Variants in MAD1L1 observed in about 807,000 individuals in gnomAD.
MAD1L1 encodes the protein mitotic spindle assembly checkpoint protein MAD1.
Under a neutral mutation model 96.9 loss-of-function variants are expected in MAD1L1, and 95 were observed. The ratio of observed to expected loss-of-function variants is 0.98; its 90% confidence interval spans 0.83 to 1.16. The LOEUF is 1.16. Ranked by LOEUF, MAD1L1 falls within the 50% of genes most tolerant of loss-of-function variation. The pLI is 0.00. For missense variants in MAD1L1, 1,007 were observed against 954.4 expected, an observed-to-expected ratio of 1.06 and a Z score of -0.73; for synonymous variants, 473 against 396.6, an observed-to-expected ratio of 1.19 and a Z score of -2.29.
intron 14 of MAD1L1, among the ~76,000 whole-genome samples, chr7:1,989,853 T>C (rs1360619301): frequency 2.0e-5 from 3 of 152,228 alleles, no homozygotes; most frequent in African/African-American, 7.2e-5. Context: ...AGGCCTGGCC[T>C]ACCAGATCCA....
intron 13 of MAD1L1, among the ~76,000 whole-genome samples, chr7:2,007,997 C>G (rs1202394161): frequency 6.6e-6 from 1 of 152,226 alleles, no homozygotes; most frequent in African/African-American, 2.4e-5. Context: ...ACGTGAAGTT[C>G]CAAGAAAGCC....
rs996655377 is a variant in MAD1L1, at chr7:2,006,374, C to T, written c.1360-4253G>A. ...GTGGCCTGGGGTGTCAGCCACAATG[C>T]GTGCCTGTCCTGGGCCTCCCCAGGT... On this transcript the variant is annotated intron_variant, in intron 13 of 18. Coordinates refer to ENST00000265854, the MANE Select transcript of MAD1L1 (RefSeq NM_001013836.2). Among the ~76,000 whole-genome samples the T allele has an allele frequency of 5.3e-5, 8 of 152,156 alleles. No homozygotes were observed. The South Asian group carries it at 6.2e-4, about 12-fold the overall frequency.
chr7:1,906,373 T>C (rs1220008376), intron 17 of MAD1L1, among the ~76,000 whole-genome samples: 1 of 152,222 alleles, frequency 6.6e-6, no homozygotes, highest in East Asian at 1.9e-4. Flanking sequence ...TCTCCTGGGA[T>C]ATTCATGCCC....
At position 1,820,658 on chromosome 7, in the gene MAD1L1, A is replaced by C. The variant is rs534857264; in HGVS notation, c.1999-4430T>G. Among the ~76,000 whole-genome samples the C allele has an allele frequency of 4.6e-5, 7 of 152,170 alleles. No individual in the cohort carries two copies. The South Asian group carries it at 1.5e-3, about 32-fold the overall frequency. ...CCTGTAGCCCCAGGTATGTGGGATC[A>C]CGTGGGCCTAGGAGTTTGAGGCTGT... On this transcript the variant is annotated intron_variant, in intron 18 of 18. Transcript: ENST00000265854.
At chr7:1,907,102 G>A (rs890490038) in intron 17 of MAD1L1, among the ~76,000 whole-genome samples, 3 of 152,094 alleles carry the variant, frequency 2.0e-5, no homozygotes, top group Non-Finnish European at 4.4e-5. Context: ...GCTTCAGCCT[G>A]CGAGGGGCGG....
chr7:1,938,389 G>A (rs1778722938), intron 16 of MAD1L1, among the ~76,000 whole-genome samples: 1 of 152,146 alleles, frequency 6.6e-6, no homozygotes, highest in Admixed American at 6.5e-5. Flanking sequence ...CTCAAACAGG[G>A]TTCAGGAAGT....
chr7:1,916,851 GACCCTGGCGCATC>G (rs1562522049), intron 17 of MAD1L1, among the ~76,000 whole-genome samples: 13 of 152,166 alleles, frequency 8.5e-5, no homozygotes, highest in African/African-American at 3.1e-4. Flanking sequence ...TACCAGGCAC[GACCCTGGCGCATC>G]TCCCGAGCCA....
intron 18 of MAD1L1, among the ~76,000 whole-genome samples, chr7:1,868,440 G>C (rs1039067497): frequency 1.3e-5 from 2 of 152,080 alleles, no homozygotes; most frequent in Non-Finnish European, 1.5e-5. Flanking sequence ...TGCTGGAGTG[G>C]GGCCCTCCAT....
At chr7:2,096,811 G>A (rs1418180488) in intron 11 of MAD1L1, among the ~76,000 whole-genome samples, 5 of 152,100 alleles carry the variant, frequency 3.3e-5, no homozygotes, top group Non-Finnish European at 1.5e-5. Context: ...GCCCAGCAGA[G>A]GCTGGGGGCA....
intron 9 of MAD1L1, among the ~76,000 whole-genome samples, chr7:2,214,506 G>A (rs1289136026): frequency 2.0e-5 from 3 of 152,166 alleles, no homozygotes; most frequent in Non-Finnish European, 4.4e-5. Flanking sequence ...GAAGTGGCCA[G>A]CTGGACAGCT....
chr7:2,152,201 T>A lies in MAD1L1; in HGVS notation c.987-2963A>T, dbSNP rs143569226. Among the ~76,000 whole-genome samples the A allele has an allele frequency of 9.4e-3, 1,437 of 152,290 alleles. 22 individuals are homozygous for A. Among genetic ancestry groups the A allele is most frequent in the African/African-American group, 0.033 (1,361 of 41,554 alleles). On this transcript the variant is annotated intron_variant, in intron 10 of 18. Transcript: ENST00000265854. ...TCACGTGATGGGCTCTCAGCCTGGA[T>A]ACTTGCTGGCCACATCCCTAGGCCC...
chr7:2,137,108 G>A lies in MAD1L1; in HGVS notation c.1073+12044C>T, dbSNP rs567586233. Among the ~76,000 whole-genome samples the A allele has an allele frequency of 2.0e-5, 3 of 152,276 alleles. No homozygotes were observed. In the South Asian group the frequency reaches 6.2e-4, roughly 32 times the overall value. On this transcript the variant is annotated intron_variant, in intron 11 of 18. Coordinates refer to ENST00000265854, the MANE Select transcript of MAD1L1 (RefSeq NM_001013836.2). ...GTGGGGTGTGGGCTGCTCTCCTGGG[G>A]TTAGGCTCACACAAACCCCTTCAAA...
At chr7:1,898,823 C>T (rs995503688) in intron 17 of MAD1L1, among the ~76,000 whole-genome samples, 6 of 152,182 alleles carry the variant, frequency 3.9e-5, no homozygotes, top group Non-Finnish European at 5.9e-5. Flanking sequence ...GCGAGAACCG[C>T]GTGAGGAGCC....
At chr7:1,992,245 C>T (rs924220656) in intron 14 of MAD1L1, among the ~76,000 whole-genome samples, 1 of 152,258 alleles carries the variant, frequency 6.6e-6, no homozygotes. Flanking sequence ...CGCTGGATAC[C>T]CAGCCCCATT....
intron 11 of MAD1L1, among the ~76,000 whole-genome samples, chr7:2,108,073 C>G (rs968228264): frequency 2.0e-5 from 3 of 152,024 alleles, no homozygotes; most frequent in Non-Finnish European, 4.4e-5. Context: ...ACCAAAAACC[C>G]CAAAATGGAT....
At chr7:2,144,137 C>T (rs1789176884) in intron 11 of MAD1L1, among the ~76,000 whole-genome samples, 2 of 152,224 alleles carry the variant, frequency 1.3e-5, no homozygotes, top group Non-Finnish European at 2.9e-5. Flanking sequence ...GGACGCACGT[C>T]CTGCTTTCAC....
At chr7:1,910,465 G>A (rs1298935779) in intron 17 of MAD1L1, among the ~76,000 whole-genome samples, 2 of 152,216 alleles carry the variant, frequency 1.3e-5, no homozygotes, top group African/African-American at 4.8e-5. Flanking sequence ...CAGCACTGTT[G>A]AGGGGACCCC....
intron 11 of MAD1L1, among the ~76,000 whole-genome samples, chr7:2,120,827 G>A (rs1279431546): frequency 6.6e-6 from 1 of 152,220 alleles, no homozygotes; most frequent in East Asian, 1.9e-4. Flanking sequence ...GGCCTCAGGA[G>A]CTGCTTCCGT....
intron 17 of MAD1L1, among the ~76,000 whole-genome samples, chr7:1,905,450 A>G (rs866810603): frequency 4.4e-4 from 49 of 111,528 alleles, no homozygotes; most frequent in African/African-American, 8.5e-4. Flanking sequence ...TCCAGGCAGC[A>G]AGCACGCAGT....
Sources: allele counts gnomAD v4.1 joint callset (sites outside exome capture counted in the v4.1 genomes callset), GRCh38; gene constraint gnomAD v4.1.1; transcripts MANE v1.5; gene names NCBI Gene and HGNC (gene_info 2026-07-23, HGNC 2026-07-21).